The following AHCYL1 variants were observed in gnomAD, a reference collection of about 807,000 sequenced individuals.
AHCYL1 encodes S-adenosylhomocysteine hydrolase-like protein 1.
Under a neutral mutation model 79.3 loss-of-function variants are expected in AHCYL1, and 20 were observed. That is an observed-to-expected ratio of 0.25 (90% CI 0.18 to 0.37). AHCYL1 has a LOEUF of 0.37. AHCYL1 is among the 10% of genes least tolerant of loss of function. The probability of loss-of-function intolerance (pLI) is 1.00; values close to 1 mark genes in which losing one functional copy is unlikely to be tolerated. For synonymous variants in AHCYL1, 223 were observed against 242.2 expected (o/e 0.92, Z 0.74); for missense variants, 330 against 673.6 (o/e 0.49, Z 5.65).
rs567853027 is a variant in AHCYL1, at chr1:109,984,965, G to A, written c.-88G>A. 3 of 1,363,192 alleles carry A rather than the reference G, an allele frequency of 2.2e-6. No homozygotes were observed. The highest frequency in any genetic ancestry group is 3.1e-5 in the East Asian group (1 of 32,184). 84.4% of individuals were successfully genotyped at this position (1,363,192 alleles called of 1,614,324 possible). On this transcript the variant is annotated 5_prime_UTR_variant, in exon 1 of 17. Coordinates refer to ENST00000369799, the MANE Select transcript of AHCYL1 (RefSeq NM_006621.7). ...GCAGGAGGGTGGGCGATCGCGTGTCGGAGGGCGCCGCGCGGGCAGGCGGGC... is the reference window on the plus strand; with the variant it reads ...GCAGGAGGGTGGGCGATCGCGTGTCAGAGGGCGCCGCGCGGGCAGGCGGGC...
chr1:109,987,608 T>C (rs1042716562), intron 1 of AHCYL1, among the ~76,000 whole-genome samples: 42 of 152,240 alleles, frequency 2.8e-4, no homozygotes, highest in African/African-American at 9.4e-4. Context: ...TTTGCTTTGT[T>C]TGAGACAGAG....
intron 1 of AHCYL1, among the ~76,000 whole-genome samples, chr1:109,993,683 A>T (rs1649880275): frequency 6.6e-6 from 1 of 152,234 alleles, no homozygotes; most frequent in African/African-American, 2.4e-5. Flanking sequence ...CAGGGAGAAG[A>T]CATCTGAATA....
intron 5 of AHCYL1, 31 bp from the exon 6 acceptor site, chr1:110,014,732 G>A (rs2101735118): frequency 6.4e-7 from 1 of 1,550,546 alleles, no homozygotes; most frequent in East Asian, 2.2e-5. Context: ...CCTCAAAGGA[G>A]GAATCAGCTG....
At chr1:109,995,782 G>A (rs901444719) in intron 1 of AHCYL1, 2 of 763,388 alleles carry the variant, frequency 2.6e-6, no homozygotes, top group African/African-American at 3.8e-5. Flanking sequence ...GAATGGGGGA[G>A]GAGCTGAGAG....
intron 1 of AHCYL1, chr1:110,004,230 A>G: frequency 1.0e-6 from 1 of 985,514 alleles, no homozygotes; most frequent in South Asian, 4.7e-5. Context: ...ATGTGCTGAG[A>G]TTAGTCAGCC....
At chr1:110,016,553 C>T in intron 8 of AHCYL1, 93 bp downstream of exon 8, 1 of 1,562,060 alleles carries the variant, frequency 6.4e-7, no homozygotes, top group Non-Finnish European at 8.8e-7. Flanking sequence ...ATACTGAGCT[C>T]AACCAGCTTC....
In AHCYL1 at chr1:110,019,615, C is replaced by CT; in HGVS notation, c.1455dup (p.Lys486Ter). 1 of 1,612,398 alleles carries CT rather than the reference C, an allele frequency of 6.2e-7. No homozygotes were observed. ...TACAAGCAGGATGTGTACTTGCTTCCTAAGAAAATGGGTGAGTGAAAAACA... is the reference window on the plus strand; with the variant it reads ...TACAAGCAGGATGTGTACTTGCTTCCTTAAGAAAATGGGTGAGTGAAAAACA... On this transcript the variant is annotated frameshift_variant, in exon 15 of 17. Transcript: ENST00000369799. LOFTEE classifies it high-confidence loss of function.
intron 13 of AHCYL1, 72 bp downstream of exon 13, chr1:110,018,722 G>C: frequency 2.0e-4 from 233 of 1,153,976 alleles, no homozygotes; most frequent in Non-Finnish European, 2.6e-4. Context: ...GGAGGGGAGG[G>C]AAACAAATAT....
chr1:109,985,927 T>G (rs1389533133), intron 1 of AHCYL1, among the ~76,000 whole-genome samples: 2 of 152,190 alleles, frequency 1.3e-5, no homozygotes, highest in African/African-American at 4.8e-5. Flanking sequence ...AGAACAAGTT[T>G]GATCTATTGT....
intron 2 of AHCYL1, among the ~76,000 whole-genome samples, chr1:110,009,499 C>T (rs2101724468): frequency 6.6e-6 from 1 of 152,326 alleles, no homozygotes; most frequent in Admixed American, 6.5e-5. Flanking sequence ...CATTTTGAAG[C>T]ACGATTTCTT....
chr1:110,018,477 C>A lies in AHCYL1; in HGVS notation c.1218+10C>A. 6.2e-7 allele frequency: 1 copy of A among 1,614,058 alleles called. No individual in the cohort carries two copies. The highest frequency in any genetic ancestry group is 8.5e-7 in the Non-Finnish European group (1 of 1,180,002). ...CACAGAAATCGATGTGGTAAGGCTT[C>A]TCTCATTTGTTGCTAGGCATTTCTC... On this transcript the variant is annotated intron_variant, in intron 12 of 16. Coordinates refer to ENST00000369799, the MANE Select transcript of AHCYL1 (RefSeq NM_006621.7).
At chr1:109,987,364 T>A (rs899665731) in intron 1 of AHCYL1, among the ~76,000 whole-genome samples, 3 of 152,330 alleles carry the variant, frequency 2.0e-5, no homozygotes, top group African/African-American at 7.2e-5. Context: ...TAACTTGGCA[T>A]GGTACTTAAT....
intron 3 of AHCYL1, among the ~76,000 whole-genome samples, 172 bp from the exon 4 acceptor site, chr1:110,012,190 A>G (rs1010347028): frequency 6.6e-6 from 1 of 152,248 alleles, no homozygotes; most frequent in Non-Finnish European, 1.5e-5. Flanking sequence ...AAGTGGTTGC[A>G]TGACTGCTCT....
chr1:110,017,668 T>C (rs1417631190), intron 10 of AHCYL1, 85 bp downstream of exon 10: 1 of 1,440,898 alleles, frequency 6.9e-7, no homozygotes, highest in African/African-American at 1.4e-5. Context: ...TTAATCATTT[T>C]TGCAGAAATC....
chr1:110,002,491 CTGAA>C (rs1460385045), intron 1 of AHCYL1, among the ~76,000 whole-genome samples: 2 of 152,160 alleles, frequency 1.3e-5, no homozygotes, highest in Admixed American at 6.5e-5. Context: ...ACATAAAAAT[CTGAA>C]TGACAAAGGG....
intron 1 of AHCYL1, among the ~76,000 whole-genome samples, chr1:109,986,987 T>C (rs1024774214): frequency 2.3e-4 from 35 of 152,344 alleles, no homozygotes; most frequent in African/African-American, 8.4e-4. Context: ...TAGACTTATA[T>C]TGCATTAGCT....
chr1:110,000,746 C>CT (rs113692663), intron 1 of AHCYL1, among the ~76,000 whole-genome samples: 4,289 of 142,688 alleles, frequency 0.03, 177 homozygotes, highest in African/African-American at 0.094. Flanking sequence ...TGTTTTTGTT[C>CT]TTTTTTTTTT....
At chr1:110,001,640 C>T (rs1650319726) in intron 1 of AHCYL1, among the ~76,000 whole-genome samples, 1 of 152,034 alleles carries the variant, frequency 6.6e-6, no homozygotes, top group Admixed American at 6.5e-5. Context: ...ATTCGCTTCC[C>T]ACACTCCTAA....
At chr1:109,985,217 G>A in intron 1 of AHCYL1, 45 bp downstream of exon 1, 2 of 1,579,938 alleles carry the variant, frequency 1.3e-6, no homozygotes, top group Non-Finnish European at 8.6e-7. Context: ...CTCCGGCCTC[G>A]CGGAAGGGAC....
Sources: allele counts gnomAD v4.1 joint callset (sites outside exome capture counted in the v4.1 genomes callset), GRCh38; gene constraint gnomAD v4.1.1; transcripts MANE v1.5; gene names NCBI Gene and HGNC (gene_info 2026-07-23, HGNC 2026-07-21).